Variants in DIP2B observed in about 807,000 individuals in gnomAD.
DIP2B encodes the protein disco-interacting protein 2 homolog B.
In DIP2B, 76 loss-of-function variants were observed where a neutral mutation model predicts 198.0. The observed-to-expected ratio is 0.38, with a 90% CI of 0.32 to 0.46. DIP2B has a LOEUF of 0.46. Among genes scored for constraint, DIP2B ranks in the 20% least tolerant of loss-of-function variants. DIP2B has a pLI of 0.99. For missense variants in DIP2B, 1,559 were observed against 1,978.4 expected, an observed-to-expected ratio of 0.79 and a Z score of 4.02; for synonymous variants, 701 against 739.1, an observed-to-expected ratio of 0.95 and a Z score of 0.84.
intron 1 of DIP2B, among the ~76,000 whole-genome samples, chr12:50,562,858 G>A (rs555183004): frequency 3.3e-5 from 5 of 152,106 alleles, no homozygotes; most frequent in Non-Finnish European, 5.9e-5. Flanking sequence ...CTGATTGATT[G>A]TAATACAATA....
chr12:50,534,069 C>A (rs925532948), intron 1 of DIP2B, among the ~76,000 whole-genome samples: 3 of 152,162 alleles, frequency 2.0e-5, no homozygotes, highest in Non-Finnish European at 4.4e-5. Context: ...CTTACTCTAA[C>A]TCATTCCCCA....
chr12:50,735,746 G>A (rs1409361463), intron 34 of DIP2B, among the ~76,000 whole-genome samples: 3 of 152,216 alleles, frequency 2.0e-5, no homozygotes, highest in Non-Finnish European at 4.4e-5. Context: ...TTACAGGCAT[G>A]AGCCACTATG....
intron 12 of DIP2B, among the ~76,000 whole-genome samples, chr12:50,689,835 CA>C (rs769267736): frequency 6.6e-6 from 1 of 151,850 alleles, no homozygotes; most frequent in Non-Finnish European, 1.5e-5. Context: ...GAGACAGACA[CA>C]CAGAGACAGA....
intron 30 of DIP2B, among the ~76,000 whole-genome samples, chr12:50,730,723 A>G (rs555441490): frequency 1.3e-5 from 2 of 152,206 alleles, no homozygotes; most frequent in East Asian, 1.9e-4. Context: ...CGCTTCAAAC[A>G]TGCTGTAATT....
intron 1 of DIP2B, among the ~76,000 whole-genome samples, chr12:50,549,034 A>G (rs532266493): frequency 6.6e-6 from 1 of 152,304 alleles, no homozygotes; most frequent in South Asian, 2.1e-4. Context: ...GTAATTAGCC[A>G]CCTATGTGAC....
At chr12:50,635,409 T>C (rs1034364897) in intron 2 of DIP2B, among the ~76,000 whole-genome samples, 1 of 152,184 alleles carries the variant, frequency 6.6e-6, no homozygotes, top group Non-Finnish European at 1.5e-5. Flanking sequence ...AAGATAGTTA[T>C]TAATATTTGT....
At chr12:50,580,686 A>G (rs1958717603) in intron 1 of DIP2B, among the ~76,000 whole-genome samples, 1 of 146,802 alleles carries the variant, frequency 6.8e-6, no homozygotes, top group African/African-American at 2.5e-5. Flanking sequence ...GCACCCCTCA[A>G]CCGTCAGGGT....
intron 35 of DIP2B, among the ~76,000 whole-genome samples, chr12:50,737,709 C>A (rs1044144486): frequency 6.6e-6 from 1 of 152,034 alleles, no homozygotes; most frequent in Non-Finnish European, 1.5e-5. Context: ...CCTCGGCCTT[C>A]CCAAGTAGCT....
At chr12:50,724,686 CAT>C in intron 27 of DIP2B, 87 bp from the exon 28 acceptor site, 1 of 1,059,274 alleles carries the variant, frequency 9.4e-7, no homozygotes, top group South Asian at 1.3e-5. Flanking sequence ...CAGTGTGGTA[CAT>C]GAGTGGCTTT....
chr12:50,694,654 C>CT (rs371524388), intron 14 of DIP2B, among the ~76,000 whole-genome samples: 88,998 of 131,154 alleles, frequency 0.68, 32,316 homozygotes, highest in East Asian at 0.99. Context: ...ACCCCTGTCT[C>CT]TTTTTTTTTT....
rs540498691 is a variant in DIP2B at position 50,504,986 on chromosome 12, C to T, written c.-155C>T. The T allele has an allele frequency of 6.3e-5, 43 of 680,898 alleles. 3 individuals carry two copies. The Admixed American group carries it at 1.0e-3, about 16-fold the overall frequency. The allele number at this position is 680,898 out of a possible 1,614,324, so 42.2% of individuals were successfully genotyped here. A position where few individuals can be genotyped will look rare whatever the true frequency, so the allele number is the denominator to read the frequency against. ...CGGGGGGCGGGGGCCGTCGCGCTCACGTGACCTTTGCTCATGGCGGCGGCG... is the reference window on the plus strand; with the variant it reads ...CGGGGGGCGGGGGCCGTCGCGCTCATGTGACCTTTGCTCATGGCGGCGGCG... On this transcript the variant is annotated 5_prime_UTR_variant, in exon 1 of 38. It adds an upstream start codon to the 5' untranslated region. Transcript: ENST00000301180.
intron 1 of DIP2B, among the ~76,000 whole-genome samples, chr12:50,515,042 CCT>C (rs1451100314): frequency 6.6e-6 from 1 of 151,994 alleles, no homozygotes; most frequent in African/African-American, 2.4e-5. Context: ...GCCCTCTCTC[CCT>C]CTCTCGAGCC....
intron 23 of DIP2B, among the ~76,000 whole-genome samples, chr12:50,716,043 G>A (rs557180698): frequency 1.3e-5 from 2 of 152,286 alleles, no homozygotes; most frequent in South Asian, 2.1e-4. Context: ...AGAACATCCA[G>A]GAACTGCTGC....
intron 28 of DIP2B, among the ~76,000 whole-genome samples, chr12:50,725,806 C>A (rs1231858084): frequency 5.3e-5 from 8 of 151,776 alleles, no homozygotes; most frequent in Admixed American, 5.3e-4. Flanking sequence ...TCAAATCCAG[C>A]CAGTTTGGCT....
In DIP2B at chr12:50,741,472, G is replaced by C. The variant is rs751053326; in HGVS notation, c.4411G>C (p.Gly1471Arg). 6.2e-7 allele frequency: 1 copy of C among 1,614,154 alleles called. No homozygotes were observed. Among genetic ancestry groups the C allele is most frequent in the South Asian group, 1.1e-5 (1 of 91,082 alleles). ...GCTGGATGAAACACTGGAGCTGAGA[G>C]GATTACGATACCACCCAATTGATAT... Reference protein sequence around the residue: ...GALDETLELRGLRYHPIDIET... With the variant: ...GALDETLELRRLRYHPIDIET... Residue 1471 changes from glycine to arginine, a missense_variant, in exon 37 of 38, where the codon GGA (glycine) becomes CGA (arginine). Coordinates refer to ENST00000301180, the MANE Select transcript of DIP2B (RefSeq NM_173602.3).
intron 4 of DIP2B, 97 bp from the exon 5 acceptor site, chr12:50,671,089 G>T: frequency 8.8e-7 from 1 of 1,137,990 alleles, no homozygotes. Flanking sequence ...CGAATGTTTT[G>T]CTGGTGTCGA....
In DIP2B at chr12:50,685,931, G is replaced by A. The variant is rs960551587; in HGVS notation, c.1416G>A (p.Gln472=). Reference sequence around the variant, plus strand: ...GTCTAAAAGGACTGCCAAAAACCCAGAATGGAGAAATTGTACAGTTTAAAG... The same window carrying A: ...GTCTAAAAGGACTGCCAAAAACCCAAAATGGAGAAATTGTACAGTTTAAAG... The part of the protein sequence containing the change: ...EVCLKGLPKT[Q]NGEIVQFKGW... The change falls in exon 11 of 38, where the codon CAG becomes CAA. Residue 472 remains glutamine, a synonymous_variant. Transcript: ENST00000301180. 4.3e-6 allele frequency: 7 copies of A among 1,613,770 alleles called. No homozygotes were observed. The African/African-American group carries it at 8.0e-5, about 18-fold the overall frequency.
chr12:50,723,762 G>A (rs1434191786), intron 27 of DIP2B, among the ~76,000 whole-genome samples: 2 of 151,884 alleles, frequency 1.3e-5, no homozygotes, highest in Non-Finnish European at 2.9e-5. Context: ...AAAAAAAAGT[G>A]TTTCCCCCTC....
chr12:50,741,463 G>C lies in DIP2B; in HGVS notation c.4402G>C (p.Glu1468Gln), dbSNP rs370513906. The change falls in exon 37 of 38, where the codon GAG becomes CAG. Residue 1468 changes from glutamate to glutamine, a missense_variant. Transcript: ENST00000301180. ...GGTGGGAGCGCTGGATGAAACACTG[G>C]AGCTGAGAGGATTACGATACCACCC... ...YVVGALDETL[E>Q]LRGLRYHPID... 3.1e-6 allele frequency: 5 copies of C among 1,614,040 alleles called. No homozygotes were observed. The highest frequency in any genetic ancestry group is 4.2e-6 in the Non-Finnish European group (5 of 1,180,040).
Sources: allele counts gnomAD v4.1 joint callset (sites outside exome capture counted in the v4.1 genomes callset), GRCh38; gene constraint gnomAD v4.1.1; transcripts MANE v1.5; gene names NCBI Gene and HGNC (gene_info 2026-07-23, HGNC 2026-07-21).